TBC1D5: variants seen among roughly 807,000 people sequenced by gnomAD.
TBC1D5 encodes TBC1 domain family member 5.
In TBC1D5, 75 loss-of-function variants were observed where a neutral mutation model predicts 100.3. The ratio of observed to expected loss-of-function variants is 0.75; its 90% CI spans 0.62 to 0.91. The LOEUF (loss-of-function observed/expected upper bound fraction) is 0.91, where lower values mean the gene tolerates loss of function less well. Ranked by LOEUF, TBC1D5 falls within the 40% of genes least tolerant of loss-of-function variation. TBC1D5 has a pLI of 0.00. For synonymous variants in TBC1D5, 323 were observed against 325.6 expected (o/e 0.99, Z 0.09); for missense variants, 910 against 942.4 (o/e 0.97, Z 0.45).
intron 3 of TBC1D5, among the ~76,000 whole-genome samples, chr3:17,495,918 T>C (rs2150673969): frequency 6.6e-6 from 1 of 152,360 alleles, no homozygotes; most frequent in East Asian, 1.9e-4. Flanking sequence ...ATTTCCAGGA[T>C]GTATGTTCCC....
intron 8 of TBC1D5, among the ~76,000 whole-genome samples, chr3:17,391,818 T>A (rs1261461124): frequency 6.6e-6 from 1 of 152,122 alleles, no homozygotes; most frequent in East Asian, 1.9e-4. Context: ...TCTAGTTATA[T>A]GCAACATAGA....
At chr3:17,493,213 A>G (rs965872221) in intron 3 of TBC1D5, among the ~76,000 whole-genome samples, 2 of 152,054 alleles carry the variant, frequency 1.3e-5, no homozygotes, top group Admixed American at 6.6e-5. Flanking sequence ...GCCAGATGTG[A>G]AATTGTGGGT....
intron 4 of TBC1D5, among the ~76,000 whole-genome samples, chr3:17,413,678 T>C (rs1427287368): frequency 6.6e-6 from 1 of 152,212 alleles, no homozygotes; most frequent in Non-Finnish European, 1.5e-5. Context: ...AATTATGTGC[T>C]AATTTATGAC....
intron 2 of TBC1D5, among the ~76,000 whole-genome samples, chr3:17,583,078 A>G (rs954701713): frequency 1.3e-5 from 2 of 152,164 alleles, no homozygotes; most frequent in African/African-American, 4.8e-5. Context: ...TGAGCTCAAG[A>G]GTTCAAGACC....
At chr3:17,339,965 T>C (rs1280873702) in intron 13 of TBC1D5, among the ~76,000 whole-genome samples, 1 of 151,166 alleles carries the variant, frequency 6.6e-6, no homozygotes, top group African/African-American at 2.5e-5. Flanking sequence ...ATATGTTTGC[T>C]TAATTAATTA....
intron 9 of TBC1D5, 59 bp downstream of exon 9, chr3:17,383,854 G>A (rs1281175574): frequency 7.5e-7 from 1 of 1,327,430 alleles, no homozygotes; most frequent in Admixed American, 1.8e-5. Flanking sequence ...TCTATCATTT[G>A]TCAAGCTGTA....
chr3:17,685,364 G>A (rs145059587), intron 1 of TBC1D5, among the ~76,000 whole-genome samples: 43 of 151,990 alleles, frequency 2.8e-4, no homozygotes, highest in African/African-American at 8.7e-4. Context: ...AAAGGATGTC[G>A]TGAAGATGTA....
intron 4 of TBC1D5, among the ~76,000 whole-genome samples, chr3:17,409,015 G>A (rs1273925207): frequency 1.3e-5 from 2 of 152,048 alleles, no homozygotes; most frequent in African/African-American, 4.8e-5. Context: ...TTATTGTCTA[G>A]TTTTTAGCAA....
chr3:17,355,391 A>G (rs1466573336), intron 13 of TBC1D5, among the ~76,000 whole-genome samples: 2 of 152,150 alleles, frequency 1.3e-5, no homozygotes, highest in African/African-American at 4.8e-5. Flanking sequence ...TTCCAAGTAG[A>G]AAACAAAACT....
chr3:17,269,589 C>T (rs966082693), intron 15 of TBC1D5, among the ~76,000 whole-genome samples: 1 of 151,896 alleles, frequency 6.6e-6, no homozygotes, highest in Non-Finnish European at 1.5e-5. Flanking sequence ...ATCCCATTAC[C>T]CAGATGGTGA....
intron 3 of TBC1D5, among the ~76,000 whole-genome samples, chr3:17,471,993 G>A (rs2095380958): frequency 6.6e-6 from 1 of 151,756 alleles, no homozygotes; most frequent in African/African-American, 2.4e-5. Flanking sequence ...ATACTAACAG[G>A]ACACACTAAG....
intron 9 of TBC1D5, among the ~76,000 whole-genome samples, chr3:17,382,838 AG>A: frequency 6.6e-6 from 1 of 152,102 alleles, no homozygotes; most frequent in Non-Finnish European, 1.5e-5. Flanking sequence ...CTGGGATTAT[AG>A]GTGTAAGCCA....
intron 2 of TBC1D5, among the ~76,000 whole-genome samples, chr3:17,525,094 A>C (rs1270504622): frequency 6.6e-6 from 1 of 152,244 alleles, no homozygotes. Context: ...GAATTCTCCA[A>C]CTGTATACAT....
At chr3:17,691,615 G>T (rs1013358229) in intron 1 of TBC1D5, among the ~76,000 whole-genome samples, 8 of 152,096 alleles carry the variant, frequency 5.3e-5, no homozygotes, top group African/African-American at 1.9e-4. Flanking sequence ...TCAAGAGATG[G>T]AGACCATCCT....
chr3:17,456,292 G>C (rs568819468), intron 3 of TBC1D5, among the ~76,000 whole-genome samples: 1 of 152,070 alleles, frequency 6.6e-6, no homozygotes. Context: ...ACCAAAAATT[G>C]ACAAATGGGA....
intron 2 of TBC1D5, among the ~76,000 whole-genome samples, chr3:17,543,292 G>T (rs1024861057): frequency 6.6e-6 from 1 of 152,104 alleles, no homozygotes. Flanking sequence ...TTGGGGTGGC[G>T]TTCCTAATCA....
At chr3:17,501,160 T>C (rs2095783882) in intron 3 of TBC1D5, among the ~76,000 whole-genome samples, 1 of 149,576 alleles carries the variant, frequency 6.7e-6, no homozygotes, top group Non-Finnish European at 1.5e-5. Context: ...ACTTACAGTT[T>C]TTTATCTATC....
intron 3 of TBC1D5, among the ~76,000 whole-genome samples, chr3:17,437,704 G>A (rs999115317): frequency 1.0e-4 from 14 of 137,468 alleles, no homozygotes; most frequent in Non-Finnish European, 2.0e-4. Flanking sequence ...GGGAAAGAAA[G>A]TAGCGGGGGA....
intron 3 of TBC1D5, 50 bp from the exon 4 acceptor site, chr3:17,428,569 T>C: frequency 9.3e-7 from 1 of 1,072,736 alleles, no homozygotes; most frequent in Non-Finnish European, 1.3e-6. Context: ...ACTGAATATT[T>C]CAGTTGAAAA....
Sources: gnomAD v4.1 joint callset for allele counts (sites outside exome capture counted in the v4.1 genomes callset) on GRCh38, gnomAD v4.1.1 for gene constraint, MANE v1.5 for transcripts, NCBI Gene and HGNC (gene_info 2026-07-23, HGNC 2026-07-21) for gene names.